The following SNTG2 variants were observed in gnomAD, a reference collection of about 807,000 sequenced individuals.
SNTG2 encodes syntrophin gamma 2, also known as gamma-2-syntrophin.
A neutral mutation model predicts 70.9 loss-of-function variants in SNTG2; 74 were observed. The observed-to-expected ratio is 1.04, with a 90% CI of 0.86 to 1.27. SNTG2 has a LOEUF of 1.27. Ranked by LOEUF, SNTG2 falls within the 50% of genes most tolerant of loss-of-function variation. The pLI is 0.00. For synonymous variants in SNTG2, 278 were observed against 273.8 expected (o/e 1.02, Z -0.15); for missense variants, 717 against 690.7 (o/e 1.04, Z -0.43).
At chr2:1,199,270 A>G (rs1447708801) in intron 8 of SNTG2, among the ~76,000 whole-genome samples, 1 of 151,810 alleles carries the variant, frequency 6.6e-6, no homozygotes, top group East Asian at 1.9e-4. Flanking sequence ...AATATAATAA[A>G]GAACAAAAAC....
In SNTG2 at chr2:1,315,549, T is replaced by A. The variant is rs534851589; in HGVS notation, c.1378-716T>A. 2.0e-5 allele frequency among the ~76,000 whole-genome samples: 3 copies of A among 152,346 alleles called. No individual in the cohort carries two copies. The East Asian group carries it at 5.8e-4, about 29-fold the overall frequency. On this transcript the variant is annotated intron_variant, in intron 15 of 16. Coordinates refer to ENST00000308624, the MANE Select transcript of SNTG2 (RefSeq NM_018968.4). The stretch of plus-strand genomic sequence containing the variant: ...AATATTTATTATAATGAAGTATCTA[T>A]AATTAAAGACTATCTTTTATAGAAG...
intron 14 of SNTG2, among the ~76,000 whole-genome samples, chr2:1,284,614 G>C (rs1393628678): frequency 6.6e-6 from 1 of 152,054 alleles, no homozygotes; most frequent in Non-Finnish European, 1.5e-5. Context: ...GGGCCCTAAA[G>C]GATGTCATGT....
chr2:1,162,701 G>A (rs1670405398), intron 6 of SNTG2, among the ~76,000 whole-genome samples: 1 of 152,162 alleles, frequency 6.6e-6, no homozygotes, highest in Non-Finnish European at 1.5e-5. Context: ...GTTTATCAAA[G>A]GAGAGCCTCG....
intron 1 of SNTG2, among the ~76,000 whole-genome samples, chr2:1,036,260 T>C (rs1661121461): frequency 6.6e-6 from 1 of 152,176 alleles, no homozygotes; most frequent in Admixed American, 6.5e-5. Flanking sequence ...TTTATTTCTT[T>C]CTTTTCTATA....
intron 8 of SNTG2, among the ~76,000 whole-genome samples, chr2:1,207,854 G>C (rs746534347): frequency 6.6e-6 from 1 of 152,216 alleles, no homozygotes; most frequent in Non-Finnish European, 1.5e-5. Context: ...ACTTGGGGTG[G>C]ATAGGGTTGG....
chr2:1,205,672 G>A (rs4533499), intron 8 of SNTG2, among the ~76,000 whole-genome samples: 49,083 of 151,812 alleles, frequency 0.32, 8,389 homozygotes, highest in East Asian at 0.65. Context: ...GGCAGCTCAT[G>A]TGAACATCGC....
intron 8 of SNTG2, among the ~76,000 whole-genome samples, chr2:1,192,660 T>C (rs4383365): frequency 0.088 from 13,351 of 152,088 alleles, 898 homozygotes; most frequent in East Asian, 0.21. Context: ...CGCAGGAAAT[T>C]TCGAGCTTGC....
intron 1 of SNTG2, among the ~76,000 whole-genome samples, chr2:1,019,079 G>T (rs779523301): frequency 2.0e-5 from 3 of 152,214 alleles, no homozygotes; most frequent in African/African-American, 4.8e-5. Context: ...GTGCTGTTAG[G>T]GGGGCAGCTG....
chr2:1,302,887 G>A (rs1325877971), intron 14 of SNTG2, among the ~76,000 whole-genome samples: 1 of 152,122 alleles, frequency 6.6e-6, no homozygotes, highest in Non-Finnish European at 1.5e-5. Flanking sequence ...ATTACTAGGT[G>A]CAGAGAGAGT....
chr2:1,001,726 A>G lies in SNTG2; in HGVS notation c.72+50658A>G, dbSNP rs143714707. On this transcript the variant is annotated intron_variant, in intron 1 of 16. Transcript: ENST00000308624. The stretch of plus-strand genomic sequence containing the variant: ...CTAGAGATTCAGTGCAATTCTCACC[A>G]AAATATTAATATCATTTTTTAAAAG... Among the ~76,000 whole-genome samples, 693 of 152,212 alleles carry G rather than the reference A, an allele frequency of 4.6e-3. 6 individuals carry two copies. The highest frequency in any genetic ancestry group is 0.01 in the Middle Eastern group (3 of 294).
At chr2:991,592 T>C (rs1661494835) in intron 1 of SNTG2, among the ~76,000 whole-genome samples, 1 of 152,162 alleles carries the variant, frequency 6.6e-6, no homozygotes, top group Non-Finnish European at 1.5e-5. Context: ...TGTTTTTTGC[T>C]CCAGGTAGCA....
At chr2:1,087,118 C>A (rs755188311) in intron 2 of SNTG2, among the ~76,000 whole-genome samples, 7 of 152,092 alleles carry the variant, frequency 4.6e-5, no homozygotes, top group Non-Finnish European at 1.0e-4. Flanking sequence ...GACAAGTCTA[C>A]GTAAGTGCTG....
intron 1 of SNTG2, among the ~76,000 whole-genome samples, chr2:1,014,572 G>T (rs776712209): frequency 2.1e-5 from 2 of 93,620 alleles, no homozygotes; most frequent in African/African-American, 3.7e-5. Flanking sequence ...GGGTGGTCTG[G>T]AGAAGGATTT....
chr2:1,149,940 G>A (rs547351984), intron 6 of SNTG2, among the ~76,000 whole-genome samples: 5 of 152,060 alleles, frequency 3.3e-5, no homozygotes, highest in African/African-American at 1.2e-4. Context: ...CACCCGCCTC[G>A]GCCTCCCAAA....
chr2:1,247,220 T>TG (rs1381591600), intron 11 of SNTG2, 107 bp from the exon 12 acceptor site: 1 of 644,430 alleles, frequency 1.6e-6, no homozygotes, highest in East Asian at 2.8e-5. Context: ...CTCCTGATTC[T>TG]GGGTGTGTTG....
chr2:1,266,175 C>CAG (rs61105769), intron 13 of SNTG2, among the ~76,000 whole-genome samples: 2,298 of 149,630 alleles, frequency 0.015, 45 homozygotes, highest in African/African-American at 0.053. Flanking sequence ...GAAATGGAGA[C>CAG]AGAGAGAGAG....
rs1558551410 is a variant in SNTG2, at chr2:1,221,838, T to TGC, written c.719+12608_719+12609insGC. ...CGGTCTCTGTCTCTCTCTGTCTCTC[T>TGC]CTGTCTCTGTCTCTGTCTCTGTCTC... On this transcript the variant is annotated intron_variant, in intron 9 of 16. Transcript: ENST00000308624. Among the ~76,000 whole-genome samples, 2 of 5,738 alleles carry TGC rather than the reference T, an allele frequency of 3.5e-4. 1 individual carries two copies. The highest frequency in any genetic ancestry group is 5.9e-4 in the Non-Finnish European group (2 of 3,378). 3.8% of individuals were successfully genotyped at this position (5,738 alleles called of 152,430 possible).
At chr2:1,201,136 G>A (rs867029847) in intron 8 of SNTG2, among the ~76,000 whole-genome samples, 5 of 151,978 alleles carry the variant, frequency 3.3e-5, no homozygotes, top group Non-Finnish European at 7.4e-5. Flanking sequence ...GTAAGATGTG[G>A]TGTTAACCTA....
chr2:1,131,700 G>A (rs1368602516), intron 4 of SNTG2, among the ~76,000 whole-genome samples: 1 of 150,278 alleles, frequency 6.7e-6, no homozygotes, highest in Non-Finnish European at 1.5e-5. Flanking sequence ...TGCCCAGGCT[G>A]GAGTGCAGTG....
Sources: gnomAD v4.1 joint callset for allele counts (sites outside exome capture counted in the v4.1 genomes callset) on GRCh38, gnomAD v4.1.1 for gene constraint, MANE v1.5 for transcripts, NCBI Gene and HGNC (gene_info 2026-07-23, HGNC 2026-07-21) for gene names.